NCK2: variants seen among roughly 807,000 people sequenced by gnomAD.
NCK2 encodes the protein cytoplasmic protein NCK2.
Under a neutral mutation model 33.9 loss-of-function variants are expected in NCK2, and 16 were observed. The observed-to-expected ratio is 0.47, with a 90% CI of 0.32 to 0.72. The LOEUF (loss-of-function observed/expected upper bound fraction) is 0.72. NCK2 is among the 30% of genes least tolerant of loss of function. The probability of loss-of-function intolerance (pLI) is 0.03; values close to 1 mark genes in which losing one functional copy is unlikely to be tolerated. For synonymous variants in NCK2, 273 were observed against 239.9 expected (o/e 1.14, Z -1.27); for missense variants, 418 against 537.3 (o/e 0.78, Z 2.19).
At chr2:105,809,277 CAT>C (rs1675204638) in intron 1 of NCK2, among the ~76,000 whole-genome samples, 1 of 152,144 alleles carries the variant, frequency 6.6e-6, no homozygotes, top group Admixed American at 6.5e-5. Flanking sequence ...TGTCGTGACA[CAT>C]ATGTATGGTT....
chr2:105,888,308 TA>T (rs3835869), intron 4 of NCK2, among the ~76,000 whole-genome samples: 4,355 of 152,260 alleles, frequency 0.029, 99 homozygotes, highest in East Asian at 0.097. Flanking sequence ...TAGAAGGACA[TA>T]ACAGGAAGAA....
intron 1 of NCK2, among the ~76,000 whole-genome samples, chr2:105,751,644 A>T (rs1689459791): frequency 1.3e-5 from 2 of 151,988 alleles, no homozygotes; most frequent in South Asian, 4.1e-4. Context: ...GTTTTTAAAG[A>T]CTCTCTCCAC....
chr2:105,776,076 T>C (rs548378989), intron 1 of NCK2, among the ~76,000 whole-genome samples: 32 of 152,332 alleles, frequency 2.1e-4, no homozygotes, highest in African/African-American at 6.5e-4. Flanking sequence ...GCCTGGAGCA[T>C]GTCCCTTACT....
chr2:105,811,861 A>C (rs1043516991), intron 1 of NCK2, among the ~76,000 whole-genome samples: 2 of 151,968 alleles, frequency 1.3e-5, no homozygotes, highest in African/African-American at 2.4e-5. Flanking sequence ...CCATCGATTG[A>C]CCTACTGCTT....
chr2:105,869,943 T>G (rs1242224705), intron 3 of NCK2, among the ~76,000 whole-genome samples: 1 of 152,222 alleles, frequency 6.6e-6, no homozygotes, highest in African/African-American at 2.4e-5. Flanking sequence ...TATTCTATCA[T>G]TTTGTTTGCC....
chr2:105,795,273 A>G (rs963425593), intron 1 of NCK2, among the ~76,000 whole-genome samples: 8 of 151,808 alleles, frequency 5.3e-5, no homozygotes, highest in African/African-American at 1.9e-4. Flanking sequence ...GTGAGCAAAC[A>G]CATATGTGTA....
At chr2:105,791,790 G>A (rs1299662974) in intron 1 of NCK2, among the ~76,000 whole-genome samples, 1 of 152,180 alleles carries the variant, frequency 6.6e-6, no homozygotes, top group Non-Finnish European at 1.5e-5. Flanking sequence ...GCTGCTCGTG[G>A]TGGTTGTGTT....
intron 1 of NCK2, among the ~76,000 whole-genome samples, chr2:105,775,209 G>A (rs1027636503): frequency 1.3e-5 from 2 of 152,194 alleles, no homozygotes; most frequent in African/African-American, 4.8e-5. Flanking sequence ...TGCACTGTGT[G>A]TGGCATGTGG....
chr2:105,778,205 C>T (rs551330410), intron 1 of NCK2, among the ~76,000 whole-genome samples: 21 of 152,300 alleles, frequency 1.4e-4, no homozygotes, highest in African/African-American at 5.1e-4. Flanking sequence ...CTAGAAAGCC[C>T]CCTGCCTCTC....
At chr2:105,765,214 A>G (rs1477938812) in intron 1 of NCK2, among the ~76,000 whole-genome samples, 3 of 152,196 alleles carry the variant, frequency 2.0e-5, no homozygotes. Context: ...CCCTCCATAA[A>G]GGCATTTTGG....
At chr2:105,785,502 A>G (rs1227426675) in intron 1 of NCK2, among the ~76,000 whole-genome samples, 1 of 152,220 alleles carries the variant, frequency 6.6e-6, no homozygotes, top group Non-Finnish European at 1.5e-5. Flanking sequence ...AAGACCGCCA[A>G]TACAAAATCT....
At chr2:105,806,837 A>T (rs1327225443) in intron 1 of NCK2, among the ~76,000 whole-genome samples, 2 of 89,166 alleles carry the variant, frequency 2.2e-5, no homozygotes, top group Non-Finnish European at 5.3e-5. Context: ...TTACAAAATT[A>T]AAAAAAAACC....
chr2:105,832,922 G>A (rs1176214399), intron 2 of NCK2, among the ~76,000 whole-genome samples: 2 of 148,604 alleles, frequency 1.3e-5, no homozygotes, highest in East Asian at 2.0e-4. Flanking sequence ...GAAAAGAATT[G>A]GTGTTAGTTT....
intron 4 of NCK2, among the ~76,000 whole-genome samples, chr2:105,887,947 C>T (rs1399184678): frequency 6.6e-6 from 1 of 152,014 alleles, no homozygotes. Context: ...GTAAGAATTA[C>T]CTAAAGGAAT....
rs535178238 is a variant in NCK2 at position 105,827,157 on chromosome 2, G to A, written c.-17+10544G>A. 5.9e-5 allele frequency among the ~76,000 whole-genome samples: 9 copies of A among 152,000 alleles called. No homozygotes were observed. In the South Asian group the frequency reaches 1.0e-3, roughly 18 times the overall value. On this transcript the variant is annotated intron_variant, in intron 2 of 4. Transcript: ENST00000233154. ...TGGGACTACAGGTGCCTACCACCAC[G>A]CCCGGCTAATTTTTGGTATTTTTAG...
chr2:105,869,106 C>G (rs1677882783), intron 3 of NCK2, among the ~76,000 whole-genome samples: 1 of 152,216 alleles, frequency 6.6e-6, no homozygotes, highest in African/African-American at 2.4e-5. Flanking sequence ...CTCATAGACC[C>G]ACAGTGCTCC....
At chr2:105,863,859 C>T (rs1677642268) in intron 3 of NCK2, among the ~76,000 whole-genome samples, 1 of 152,164 alleles carries the variant, frequency 6.6e-6, no homozygotes, top group African/African-American at 2.4e-5. Context: ...TTCTGAGCCT[C>T]AGTTGCGTCG....
intron 2 of NCK2, among the ~76,000 whole-genome samples, chr2:105,834,008 T>C (rs1025846012): frequency 2.6e-5 from 4 of 152,264 alleles, no homozygotes; most frequent in African/African-American, 9.6e-5. Context: ...TCTGAGATAA[T>C]ACCTGACTTT....
intron 1 of NCK2, among the ~76,000 whole-genome samples, chr2:105,757,921 G>A (rs534786982): frequency 6.6e-6 from 1 of 152,014 alleles, no homozygotes; most frequent in Non-Finnish European, 1.5e-5. Flanking sequence ...CCACATGCCA[G>A]TTGTAAGCCA....
Sources: allele counts gnomAD v4.1 joint callset (sites outside exome capture counted in the v4.1 genomes callset), GRCh38; gene constraint gnomAD v4.1.1; transcripts MANE v1.5; gene names NCBI Gene and HGNC (gene_info 2026-07-23, HGNC 2026-07-21).